Variants in UNK observed in about 807,000 individuals in gnomAD.
The protein encoded by UNK is unk zinc finger.
A neutral mutation model predicts 97.6 loss-of-function variants in UNK; 32 were observed. The observed-to-expected ratio is 0.33, with a 90% CI of 0.25 to 0.44. The LOEUF is 0.44. Among genes scored for constraint, UNK ranks in the 20% least tolerant of loss-of-function variants. The pLI is 1.00. For missense variants in UNK, 771 were observed against 1,098.4 expected, an observed-to-expected ratio of 0.70 and a Z score of 4.21; for synonymous variants, 441 against 461.2, an observed-to-expected ratio of 0.96 and a Z score of 0.56.
rs759574332 is a variant in UNK, at chr17:75,819,961, G to A, written c.1690G>A (p.Gly564Ser). The A allele has an allele frequency of 8.1e-6, 13 of 1,612,766 alleles. No individual in the cohort carries two copies. The highest frequency in any genetic ancestry group is 6.6e-5 in the South Asian group (6 of 91,016). The change falls in exon 13 of 16, where the codon GGC becomes AGC. Residue 564 changes from glycine (G) to serine (S), a missense_variant. Transcript: ENST00000589666. The surrounding 1 kb of genome is among the most constrained non-coding windows in gnomAD (Gnocchi z 5.4). ...LQSSAPVNIP[G>S]SLGSSASFHS... Reference sequence around the variant, plus strand: ...GAGCTCTGCACCCGTGAACATCCCCGGCTCCTTGGGCAGCTCTGCCTCCTT... The same window carrying A: ...GAGCTCTGCACCCGTGAACATCCCCAGCTCCTTGGGCAGCTCTGCCTCCTT...
chr17:75,804,985 A>C (rs529911678), intron 1 of UNK, among the ~76,000 whole-genome samples: 119 of 151,716 alleles, frequency 7.8e-4, no homozygotes, highest in African/African-American at 2.8e-3. Flanking sequence ...CGAGGTCAGG[A>C]GATCGAGACC....
chr17:75,798,361 G>A (rs939048259), intron 1 of UNK, among the ~76,000 whole-genome samples: 3 of 151,852 alleles, frequency 2.0e-5, no homozygotes, highest in African/African-American at 7.3e-5. Context: ...GAGCCACCAC[G>A]CCTGGCCTAA....
intron 1 of UNK, among the ~76,000 whole-genome samples, chr17:75,786,735 T>G (rs1399120584): frequency 1.3e-5 from 2 of 152,114 alleles, no homozygotes; most frequent in Non-Finnish European, 2.9e-5. Context: ...CGGGCGCCTG[T>G]AATCCCAGCT....
chr17:75,790,535 G>A (rs2023679390), intron 1 of UNK, among the ~76,000 whole-genome samples: 1 of 152,058 alleles, frequency 6.6e-6, no homozygotes, highest in Non-Finnish European at 1.5e-5. Flanking sequence ...AGGAGGCCGA[G>A]GTGGGAGGAT....
chr17:75,815,329 G>A, intron 7 of UNK, 76 bp downstream of exon 7: 1 of 1,422,998 alleles, frequency 7.0e-7, no homozygotes, highest in Non-Finnish European at 9.7e-7. Context: ...GCTTAGGCCG[G>A]GGATGGCCCC....
chr17:75,807,453 G>A (rs935595679), intron 1 of UNK, among the ~76,000 whole-genome samples: 3 of 152,136 alleles, frequency 2.0e-5, no homozygotes, highest in Non-Finnish European at 4.4e-5. Context: ...ATGTATTTAT[G>A]TATTTATTTA....
chr17:75,793,309 T>G (rs939688979), intron 1 of UNK: 1 of 601,528 alleles, frequency 1.7e-6, no homozygotes, highest in African/African-American at 2.0e-5. Context: ...GGCATTTCTT[T>G]AAGGACAGGC....
In UNK at chr17:75,819,904, C is replaced by T. The variant is rs142243149; in HGVS notation, c.1649-16C>T. ...CTGCCCTCACCCAGCCCGTCCTCCC[C>T]GGGCCTCTCTTGCAGGCGGCAGCTT... On this transcript the variant is annotated splice_polypyrimidine_tract_variant and intron_variant, in intron 12 of 15. Coordinates refer to ENST00000589666, the MANE Select transcript of UNK (RefSeq NM_001080419.3). The surrounding 1 kb of genome is among the most constrained non-coding windows in gnomAD (Gnocchi z 5.4). 235 of 1,603,736 alleles carry T rather than the reference C, an allele frequency of 1.5e-4. No individual in the cohort carries two copies. The African/African-American group carries it at 2.6e-3, about 17-fold the overall frequency.
intron 1 of UNK, 23 bp downstream of exon 1, chr17:75,785,007 C>CG: frequency 1.6e-6 from 2 of 1,225,432 alleles, no homozygotes; most frequent in Non-Finnish European, 2.1e-6. Context: ...CCCCCCCCCC[C>CG]GCCGCGCGCG....
intron 1 of UNK, chr17:75,793,624 G>C: frequency 3.0e-6 from 3 of 985,376 alleles, no homozygotes; most frequent in Non-Finnish European, 3.6e-6. Flanking sequence ...GTATCATCAA[G>C]TCGTATCTGA....
rs2062027651 is a variant in UNK at position 75,817,442 on chromosome 17, G to A, written c.1221G>A (p.Leu407=). The A allele has an allele frequency of 1.2e-6, 2 of 1,613,336 alleles. No homozygotes were observed. Among genetic ancestry groups the A allele is most frequent in the Admixed American group, 1.7e-5 (1 of 59,998 alleles). The part of the protein sequence containing the change: ...EGIVFPGESG[L]APGSYKKAPG... ...TCGTCTTCCCTGGGGAGTCTGGCCTGGCCCCTGGCAGCTATAAGAAGGCTC... is the reference window on the plus strand; with the variant it reads ...TCGTCTTCCCTGGGGAGTCTGGCCTAGCCCCTGGCAGCTATAAGAAGGCTC... The change falls in exon 9 of 16, where the codon CTG becomes CTA. Residue 407 remains leucine (L), a synonymous_variant. Coordinates refer to ENST00000589666, the MANE Select transcript of UNK (RefSeq NM_001080419.3). The surrounding 1 kb of genome is among the most constrained non-coding windows in gnomAD (Gnocchi z 5.8).
At chr17:75,801,512 T>G (rs1479109589) in intron 1 of UNK, among the ~76,000 whole-genome samples, 1 of 152,072 alleles carries the variant, frequency 6.6e-6, no homozygotes. Flanking sequence ...TGAGACCCTG[T>G]CTCTTTATTT....
intron 5 of UNK, 74 bp from the exon 6 acceptor site, chr17:75,813,687 G>A (rs935390138): frequency 2.3e-6 from 3 of 1,317,520 alleles, no homozygotes; most frequent in Non-Finnish European, 2.1e-6. Context: ...ATGAGGCTGG[G>A]TCCAGGTGGC....
chr17:75,791,632 C>T, intron 1 of UNK: 6 of 603,952 alleles, frequency 9.9e-6, no homozygotes, highest in Non-Finnish European at 1.2e-5. Context: ...CCACAAAATC[C>T]CCGTTAAGTG....
At chr17:75,791,621 C>A in intron 1 of UNK, 13 of 493,102 alleles carry the variant, frequency 2.6e-5, no homozygotes, top group Non-Finnish European at 3.4e-5. Context: ...TTCATTTAAT[C>A]CCACAAAATC....
chr17:75,789,908 T>A (rs2061747772), intron 1 of UNK, among the ~76,000 whole-genome samples: 1 of 151,944 alleles, frequency 6.6e-6, no homozygotes, highest in Non-Finnish European at 1.5e-5. Context: ...TTTGGGAGGC[T>A]GAGGTGGGCG....
chr17:75,805,179 CAAA>C (rs36025200), intron 1 of UNK, among the ~76,000 whole-genome samples: 3 of 114,800 alleles, frequency 2.6e-5, no homozygotes, highest in Admixed American at 1.8e-4. Flanking sequence ...GACTCCATCT[CAAA>C]AAAAAAAAAA....
At chr17:75,791,682 C>T (rs1365940135) in intron 1 of UNK, 1 of 952,470 alleles carries the variant, frequency 1.0e-6, no homozygotes, top group Non-Finnish European at 1.2e-6. Flanking sequence ...AAACTTAACA[C>T]CTAGTTGATA....
rs750636094 is a variant in UNK at position 75,809,747 on chromosome 17, GCT to G, written c.105-6_105-5del. On this transcript the variant is annotated splice_polypyrimidine_tract_variant and intron_variant, in intron 1 of 15. Transcript: ENST00000589666. ...CTGCTCCCGGCCTGCCCCACGCGGG[GCT>G]CTCTCTGCAGGTACCTGAAAGAATT... The G allele has an allele frequency of 6.9e-6, 11 of 1,593,978 alleles. No homozygotes were observed. The highest frequency in any genetic ancestry group is 1.7e-4 in the Middle Eastern group (1 of 6,048).
Sources: allele counts gnomAD v4.1 joint callset (sites outside exome capture counted in the v4.1 genomes callset), GRCh38; gene constraint gnomAD v4.1.1; non-coding constraint Gnocchi (gnomAD v3.1); transcripts MANE v1.5; gene names NCBI Gene and HGNC (gene_info 2026-07-23, HGNC 2026-07-21).